ST3GAL1: variants seen among roughly 807,000 people sequenced by gnomAD.
The protein encoded by ST3GAL1 is CMP-N-acetylneuraminate-beta-galactosamide-alpha-2,3-sialyltransferase 1.
A neutral mutation model predicts 34.1 loss-of-function variants in ST3GAL1; 16 were observed. The observed-to-expected ratio is 0.47, with a 90% confidence interval of 0.32 to 0.71. The LOEUF is 0.71. Among genes scored for constraint, ST3GAL1 ranks in the 30% least tolerant of loss-of-function variants. ST3GAL1 has a pLI of 0.04. For synonymous variants in ST3GAL1, 191 were observed against 184.7 expected, an observed-to-expected ratio of 1.03 and a Z score of -0.28; for missense variants, 353 against 447.4, an observed-to-expected ratio of 0.79 and a Z score of 1.90.
At chr8:133,505,439 C>T (rs1817301174) in intron 2 of ST3GAL1, among the ~76,000 whole-genome samples, 1 of 152,170 alleles carries the variant, frequency 6.6e-6, no homozygotes, top group Admixed American at 6.5e-5. Context: ...AGGCTGCCTG[C>T]CGTGCTGGAG....
chr8:133,496,454 G>A (rs936536527), intron 3 of ST3GAL1, among the ~76,000 whole-genome samples: 3 of 152,146 alleles, frequency 2.0e-5, no homozygotes, highest in African/African-American at 7.2e-5. Context: ...AAAATCAAAG[G>A]GGAGCTGACA....
rs57891081 is a variant in ST3GAL1, at chr8:133,540,728, CAT to C, written c.-429+5044_-429+5045del. ...ATATACAGACATATATATATATAGA[CAT>C]ATATATATATATAGACATATATATA... is the stretch of plus-strand genomic sequence containing the variant. On this transcript the variant is annotated intron_variant, in intron 2 of 9. Coordinates refer to ENST00000522652, the MANE Select transcript of ST3GAL1 (RefSeq NM_173344.3). Among the ~76,000 whole-genome samples, 564 of 88,022 alleles carry C rather than the reference CAT, an allele frequency of 6.4e-3. 7 individuals are homozygous for C. The highest frequency in any genetic ancestry group is 0.022 in the Admixed American group (173 of 8,028). 57.7% of individuals were successfully genotyped at this position (88,022 alleles called of 152,430 possible). A position where few individuals can be genotyped will look rare whatever the true frequency, so the allele number is the denominator to read the frequency against.
At chr8:133,569,884 C>T (rs1285542367) in intron 1 of ST3GAL1, among the ~76,000 whole-genome samples, 3 of 152,228 alleles carry the variant, frequency 2.0e-5, no homozygotes, top group African/African-American at 7.2e-5. Flanking sequence ...ACGAACAGGC[C>T]AGGAGTAGAG....
At position 133,461,727 on chromosome 8, in the gene ST3GAL1, T is replaced by C; in HGVS notation, c.849+148A>G. 5.4e-6 allele frequency: 6 copies of C among 1,114,082 alleles called. No homozygotes were observed. The South Asian group carries it at 6.0e-5, about 11-fold the overall frequency. The allele number at this position is 1,114,082 out of a possible 1,614,324, so 69.0% of individuals were successfully genotyped here. ...TCACTAAAACACCCTGGGAGACACATGTTGCAAGTCCTGTCGTAGAGACAG... is the reference window on the plus strand; with the variant it reads ...TCACTAAAACACCCTGGGAGACACACGTTGCAAGTCCTGTCGTAGAGACAG... On this transcript the variant is annotated intron_variant, in intron 9 of 9. Coordinates refer to ENST00000522652, the MANE Select transcript of ST3GAL1 (RefSeq NM_173344.3). The surrounding 1 kb of genome is among the most constrained non-coding windows in gnomAD (Gnocchi z 4.7).
chr8:133,565,383 G>C (rs1458631452), intron 1 of ST3GAL1, among the ~76,000 whole-genome samples: 1 of 152,156 alleles, frequency 6.6e-6, no homozygotes, highest in Non-Finnish European at 1.5e-5. Flanking sequence ...GTTGAGGAGG[G>C]GGCCTTGTGG....
At chr8:133,490,776 C>A (rs1178415413) in intron 3 of ST3GAL1, among the ~76,000 whole-genome samples, 1 of 152,186 alleles carries the variant, frequency 6.6e-6, no homozygotes, top group Non-Finnish European at 1.5e-5. Flanking sequence ...GGGAGCCCGG[C>A]TGGCTTGTGA....
intron 1 of ST3GAL1, among the ~76,000 whole-genome samples, chr8:133,555,312 G>A (rs1208615227): frequency 6.6e-6 from 1 of 152,078 alleles, no homozygotes; most frequent in Admixed American, 6.5e-5. Context: ...TCCCCCTGCC[G>A]TTGTCATCCC....
intron 3 of ST3GAL1, among the ~76,000 whole-genome samples, chr8:133,492,996 AATGGCCAAACACCCTC>A (rs893293418): frequency 2.6e-5 from 4 of 152,186 alleles, no homozygotes; most frequent in African/African-American, 9.6e-5. Flanking sequence ...GACCGCTGGG[AATGGCCAAACACCCTC>A]ATGGCCAGAG....
Position 133,506,395 on chromosome 8 carries a change from T to C in ST3GAL1, c.-428-7206A>G, listed in dbSNP as rs564137304. ...GGGCTCCCTAAATAAGAGCAAATAT[T>C]TTTAGGTATTAAGCAAATAAATGGC... On this transcript the variant is annotated intron_variant, in intron 2 of 9. Coordinates refer to ENST00000522652, the MANE Select transcript of ST3GAL1 (RefSeq NM_173344.3). Among the ~76,000 whole-genome samples, 9 of 152,224 alleles carry C rather than the reference T, an allele frequency of 5.9e-5. No individual in the cohort carries two copies. The East Asian group carries it at 1.4e-3, about 23-fold the overall frequency.
At position 133,501,091 on chromosome 8, in the gene ST3GAL1, A is replaced by C. The variant is rs375016566; in HGVS notation, c.-428-1902T>G. 4.9e-4 allele frequency among the ~76,000 whole-genome samples: 75 copies of C among 152,248 alleles called. No individual in the cohort carries two copies. In the East Asian group the frequency reaches 5.2e-3, roughly 11 times the overall value. On this transcript the variant is annotated intron_variant, in intron 2 of 9. Coordinates refer to ENST00000522652, the MANE Select transcript of ST3GAL1 (RefSeq NM_173344.3). ...CGGCTAACAGAGCTCTCTAATAAAC[A>C]AACAGCCTCAGACATCGTTCTTTCT... is the stretch of plus-strand genomic sequence containing the variant.
intron 4 of ST3GAL1, 38 bp downstream of exon 4, chr8:133,476,240 C>T (rs148826005): frequency 0.014 from 6,851 of 486,214 alleles, 59 homozygotes; most frequent in Admixed American, 0.019. Context: ...TAGACCAACG[C>T]CATTCGTGGC....
At chr8:133,547,757 T>C (rs1050535687) in intron 1 of ST3GAL1, among the ~76,000 whole-genome samples, 1 of 152,234 alleles carries the variant, frequency 6.6e-6, no homozygotes, top group Admixed American at 6.5e-5. Context: ...GAAAGCTGAC[T>C]GATACAACCA....
intron 2 of ST3GAL1, among the ~76,000 whole-genome samples, chr8:133,529,818 C>T (rs1428703395): frequency 6.6e-6 from 1 of 152,156 alleles, no homozygotes; most frequent in African/African-American, 2.4e-5. Flanking sequence ...AGGGCTGTCC[C>T]CCAGACACCC....
Position 133,466,879 on chromosome 8 carries a change from A to T in ST3GAL1, c.307-789T>A, listed in dbSNP as rs1815754185. ...TTTGGGAGACCGAGGCAGGTGGATC[A>T]CGAAGTCAGGAGTTTGAGACCAGCC... is the stretch of plus-strand genomic sequence containing the variant. On this transcript the variant is annotated intron_variant, in intron 5 of 9. Coordinates refer to ENST00000522652, the MANE Select transcript of ST3GAL1 (RefSeq NM_173344.3). The surrounding 1 kb of genome is among the most constrained non-coding windows in gnomAD (Gnocchi z 4.4). Among the ~76,000 whole-genome samples, 1 of 152,182 alleles carries T rather than the reference A, an allele frequency of 6.6e-6. No homozygotes were observed. Among genetic ancestry groups the T allele is most frequent in the Non-Finnish European group, 1.5e-5 (1 of 68,028 alleles).
chr8:133,522,123 C>T (rs1452108035), intron 2 of ST3GAL1, among the ~76,000 whole-genome samples: 2 of 152,092 alleles, frequency 1.3e-5, no homozygotes, highest in African/African-American at 4.8e-5. Context: ...GTGAGCACTC[C>T]CAAGAGCTAT....
intron 2 of ST3GAL1, among the ~76,000 whole-genome samples, chr8:133,535,646 C>T (rs1040380971): frequency 8.5e-5 from 13 of 152,062 alleles, no homozygotes; most frequent in African/African-American, 2.4e-4. Flanking sequence ...GCACCATTCC[C>T]GGCTAATGTT....
At chr8:133,504,300 G>A (rs1261181669) in intron 2 of ST3GAL1, among the ~76,000 whole-genome samples, 4 of 152,236 alleles carry the variant, frequency 2.6e-5, no homozygotes, top group Non-Finnish European at 5.9e-5. Flanking sequence ...TGGGCCTCCT[G>A]CTCAGTTAGA....
intron 2 of ST3GAL1, among the ~76,000 whole-genome samples, chr8:133,518,337 G>A (rs1168574017): frequency 1.3e-5 from 2 of 152,210 alleles, no homozygotes; most frequent in Non-Finnish European, 2.9e-5. Context: ...TCAGCCACCA[G>A]CCATGTGAAG....
Position 133,536,048 on chromosome 8 carries a change from A to G in ST3GAL1, c.-429+9726T>C, listed in dbSNP as rs373880431. 5.2e-4 allele frequency among the ~76,000 whole-genome samples: 79 copies of G among 152,298 alleles called. No homozygotes were observed. The East Asian group carries it at 0.013, about 26-fold the overall frequency. ...GGTGCTGTTGTTATCCGTTATGTCC[A>G]TTTTGCAGATGAGGAAACTGAGATC... On this transcript the variant is annotated intron_variant, in intron 2 of 9. Coordinates refer to ENST00000522652, the MANE Select transcript of ST3GAL1 (RefSeq NM_173344.3).
Sources: allele counts gnomAD v4.1 joint callset (sites outside exome capture counted in the v4.1 genomes callset), GRCh38; gene constraint gnomAD v4.1.1; non-coding constraint Gnocchi (gnomAD v3.1); transcripts MANE v1.5; gene names NCBI Gene and HGNC (gene_info 2026-07-23, HGNC 2026-07-21).